The following ZC3H12C variants were observed in gnomAD, a reference collection of about 807,000 sequenced individuals.
The protein encoded by ZC3H12C is probable ribonuclease ZC3H12C.
Under a neutral mutation model 76.3 loss-of-function variants are expected in ZC3H12C, and 20 were observed. That is an observed-to-expected ratio of 0.26 (90% CI 0.18 to 0.38). The LOEUF is 0.38. Among genes scored for constraint, ZC3H12C ranks in the 10% least tolerant of loss-of-function variants. The pLI is 1.00. For synonymous variants in ZC3H12C, 352 were observed against 399.6 expected, an observed-to-expected ratio of 0.88 and a Z score of 1.42; for missense variants, 874 against 1,086.5, an observed-to-expected ratio of 0.80 and a Z score of 2.75.
chr11:110,136,537 G>C (rs1861961854), intron 1 of ZC3H12C, 126 bp from the exon 2 acceptor site: 3 of 1,031,338 alleles, frequency 2.9e-6, no homozygotes, highest in Non-Finnish European at 4.2e-6. Context: ...GTGTTAGGAG[G>C]GAGGAGAGGA....
chr11:110,129,510 T>C lies in ZC3H12C; in HGVS notation c.22-7153T>C, dbSNP rs141803703. Among the ~76,000 whole-genome samples, 5 of 152,332 alleles carry C rather than the reference T, an allele frequency of 3.3e-5. No individual in the cohort carries two copies. The East Asian group carries it at 7.7e-4, about 23-fold the overall frequency. On this transcript the variant is annotated intron_variant, in intron 1 of 5. Transcript: ENST00000278590. ...TCCAACTATTCACAAATGATCCTAA[T>C]TGTGTGTAGCTTCTGTATTTGTGTA... is the stretch of plus-strand genomic sequence containing the variant.
At chr11:110,094,166 T>C (rs957148214) in intron 1 of ZC3H12C, among the ~76,000 whole-genome samples, 11 of 152,236 alleles carry the variant, frequency 7.2e-5, no homozygotes, top group African/African-American at 2.7e-4. Context: ...AAGTACTGAT[T>C]ACTCTGTCTG....
At position 110,165,529 on chromosome 11, in the gene ZC3H12C, A is replaced by C; in HGVS notation, c.2444A>C (p.Gln815Pro). ...TTCACCTTCCAGAGCCTCCCTGAGC[A>C]ACAGGAGCCAGCCTGGCGGATCCCA... ...EQFTFQSLPE[Q>P]QEPAWRIPYC... is the part of the protein sequence containing the mutation. The change falls in exon 6 of 6, where the codon CAA becomes CCA. Residue 815 changes from glutamine to proline, a missense_variant. Coordinates refer to ENST00000278590, the MANE Select transcript of ZC3H12C (RefSeq NM_033390.2). 6.2e-7 allele frequency: 1 copy of C among 1,613,964 alleles called. No homozygotes were observed. The highest frequency in any genetic ancestry group is 1.7e-5 in the Admixed American group (1 of 60,016).
intron 3 of ZC3H12C, among the ~76,000 whole-genome samples, chr11:110,153,844 A>G (rs1247301677): frequency 1.3e-5 from 2 of 152,252 alleles, no homozygotes; most frequent in African/African-American, 4.8e-5. Context: ...ATTATTTTGT[A>G]GTTTTTAAAT....
At chr11:110,139,555 T>C (rs1862032076) in intron 2 of ZC3H12C, among the ~76,000 whole-genome samples, 1 of 152,216 alleles carries the variant, frequency 6.6e-6, no homozygotes, top group Non-Finnish European at 1.5e-5. Context: ...CTCATAGGGC[T>C]TTGAGAAGGA....
intron 1 of ZC3H12C, 139 bp downstream of exon 1, chr11:110,093,571 TC>T: frequency 1.8e-6 from 1 of 555,388 alleles, no homozygotes; most frequent in Non-Finnish European, 2.5e-6. Context: ...CGCCGTGTGA[TC>T]TCCAGGCCCA....
Position 110,159,264 on chromosome 11 carries a change from A to G in ZC3H12C, c.922A>G (p.Ile308Val). The G allele has an allele frequency of 1.2e-6, 2 of 1,608,144 alleles. No individual in the cohort carries two copies. Among genetic ancestry groups the G allele is most frequent in the Non-Finnish European group, 1.7e-6 (2 of 1,176,886 alleles). The change falls in exon 4 of 6, where the codon ATT becomes GTT. Residue 308 changes from isoleucine (I) to valine (V), a missense_variant. Physicochemically the swap from Ile to Val is conservative, Grantham distance 29. Around this residue, in one of 3 missense-constraint regions of ZC3H12C, gnomAD observed 269 missense variants for 424.9 expected, o/e 0.63. Coordinates refer to ENST00000278590, the MANE Select transcript of ZC3H12C (RefSeq NM_033390.2). The part of the protein sequence containing the change: ...RPDALITDQE[I>V]LRKLEKEKIL... The stretch of plus-strand genomic sequence containing the variant: ...CGTCATTATTCTTGCAGATCAGGAA[A>G]TTTTACGTAAATTAGAGAAGGAGAA...
chr11:110,127,790 G>A (rs886769476), intron 1 of ZC3H12C, among the ~76,000 whole-genome samples: 1 of 151,886 alleles, frequency 6.6e-6, no homozygotes. Context: ...CAGCTACTTC[G>A]GAGGCAGAAG....
chr11:110,159,156 A>AT (rs1393984685), intron 3 of ZC3H12C, 100 bp from the exon 4 acceptor site: 1 of 857,638 alleles, frequency 1.2e-6, no homozygotes, highest in Non-Finnish European at 1.8e-6. Context: ...AGGATTTCAT[A>AT]TATACAGCTT....
intron 3 of ZC3H12C, among the ~76,000 whole-genome samples, chr11:110,153,929 T>C (rs1862323591): frequency 6.6e-6 from 1 of 152,244 alleles, no homozygotes; most frequent in Non-Finnish European, 1.5e-5. Flanking sequence ...ATTACAGTGA[T>C]TTACAATCAA....
intron 3 of ZC3H12C, among the ~76,000 whole-genome samples, chr11:110,155,214 G>A (rs116988860): frequency 0.02 from 3,038 of 151,638 alleles, 39 homozygotes; most frequent in Middle Eastern, 0.034. Flanking sequence ...TTCAAGAATC[G>A]CTTGAACCCA....
chr11:110,135,095 T>G (rs1295581395), intron 1 of ZC3H12C, among the ~76,000 whole-genome samples: 2 of 152,190 alleles, frequency 1.3e-5, no homozygotes, highest in Non-Finnish European at 2.9e-5. Flanking sequence ...GTTTTCTTTT[T>G]CAGGTTAGTT....
intron 2 of ZC3H12C, among the ~76,000 whole-genome samples, chr11:110,143,244 T>C (rs1304663183): frequency 2.0e-5 from 3 of 152,164 alleles, no homozygotes; most frequent in African/African-American, 7.2e-5. Context: ...TATTTTCCTA[T>C]TGAAGATGAG....
At chr11:110,117,230 T>G (rs1861542195) in intron 1 of ZC3H12C, among the ~76,000 whole-genome samples, 1 of 152,196 alleles carries the variant, frequency 6.6e-6, no homozygotes, top group African/African-American at 2.4e-5. Flanking sequence ...ATGTAAAAAT[T>G]CTTAGTGAAA....
intron 1 of ZC3H12C, among the ~76,000 whole-genome samples, chr11:110,100,681 T>C (rs546382945): frequency 3.9e-5 from 6 of 152,266 alleles, no homozygotes; most frequent in East Asian, 3.9e-4. Flanking sequence ...GGGGTGCCAA[T>C]AGAAGATGGT....
At position 110,171,314 on chromosome 11, in the gene ZC3H12C, A is replaced by G. The variant is rs1265381479; in HGVS notation, c.*5577A>G. 6.6e-6 allele frequency: 1 copy of G among 152,210 alleles called. No homozygotes were observed. Among genetic ancestry groups the G allele is most frequent in the Non-Finnish European group, 1.5e-5 (1 of 68,026 alleles). 9.4% of individuals were successfully genotyped at this position (152,210 alleles called of 1,614,324 possible). A position where few individuals can be genotyped will look rare whatever the true frequency, so the allele number is the denominator to read the frequency against. Reference sequence around the variant, plus strand: ...CTGCAGAGACAAAGCATTTCACTGCACGTGTACCAGGTTATTGATTTTATC... The same window carrying G: ...CTGCAGAGACAAAGCATTTCACTGCGCGTGTACCAGGTTATTGATTTTATC... On this transcript the variant is annotated 3_prime_UTR_variant, in exon 6 of 6. Transcript: ENST00000278590.
rs1862548969 is a variant in ZC3H12C at position 110,164,898 on chromosome 11, C to T, written c.1813C>T (p.Arg605Ter). 7 of 1,613,988 alleles carry T rather than the reference C, an allele frequency of 4.3e-6. No individual in the cohort carries two copies. Among genetic ancestry groups the T allele is most frequent in the South Asian group, 1.1e-5 (1 of 91,060 alleles). ...AYSNLSLSGP[R>*]SPERRFSLDT... ...CTCAAATCTGAGTCTCTCAGGCCCA[C>T]GAAGCCCTGAAAGGCGTTTCTCCTT... The change falls in exon 6 of 6, where the codon CGA becomes TGA. Residue 605 changes from arginine (R) to a stop codon, truncating the protein, a stop_gained. Transcript: ENST00000278590. LOFTEE classifies it high-confidence loss of function. The surrounding 1 kb of genome is among the most constrained non-coding windows in gnomAD (Gnocchi z 5.7).
rs2134205447 is a variant in ZC3H12C at position 110,167,125 on chromosome 11, A to G, written c.*1388A>G. The G allele has an allele frequency of 6.6e-6, 1 of 152,324 alleles. No homozygotes were observed. Among genetic ancestry groups the G allele is most frequent in the African/African-American group, 2.4e-5 (1 of 41,572 alleles). The allele number at this position is 152,324 out of a possible 1,614,324, so 9.4% of individuals were successfully genotyped here. A position where few individuals can be genotyped will look rare whatever the true frequency, so the allele number is the denominator to read the frequency against. ...TTGACATCACTTGACTGTTGCGTCC[A>G]GGTTTTGAATTGTACTTCACGTAAC... On this transcript the variant is annotated 3_prime_UTR_variant, in exon 6 of 6. Coordinates refer to ENST00000278590, the MANE Select transcript of ZC3H12C (RefSeq NM_033390.2).
At chr11:110,101,358 T>G (rs7113826) in intron 1 of ZC3H12C, among the ~76,000 whole-genome samples, 53,115 of 152,060 alleles carry the variant, frequency 0.35, 10,299 homozygotes, top group East Asian at 0.65. Flanking sequence ...TTCTATAGAC[T>G]AAACAGCTTT....
Sources: allele counts gnomAD v4.1 joint callset (sites outside exome capture counted in the v4.1 genomes callset), GRCh38; gene constraint gnomAD v4.1.1; regional missense constraint gnomAD v4.1.1; non-coding constraint Gnocchi (gnomAD v3.1); transcripts MANE v1.5; gene names NCBI Gene and HGNC (gene_info 2026-07-23, HGNC 2026-07-21).